Variants in NEK1 observed in about 807,000 individuals in gnomAD.
NEK1 encodes serine/threonine-protein kinase Nek1.
Under a neutral mutation model 182.1 loss-of-function variants are expected in NEK1, and 137 were observed. That is an observed-to-expected ratio of 0.75 (90% CI 0.65 to 0.87). NEK1 has a LOEUF of 0.87. Among genes scored for constraint, NEK1 ranks in the 40% least tolerant of loss-of-function variants. NEK1 has a pLI of 0.00. For missense variants in NEK1, 1,391 were observed against 1,494.4 expected (o/e 0.93, Z 1.14); for synonymous variants, 513 against 492.2 (o/e 1.04, Z -0.56).
intron 12 of NEK1, among the ~76,000 whole-genome samples, chr4:169,569,306 G>A (rs963391788): frequency 6.6e-6 from 1 of 152,046 alleles, no homozygotes; most frequent in African/African-American, 2.4e-5. Context: ...CATAATAATT[G>A]TACATATTTA....
intron 23 of NEK1, among the ~76,000 whole-genome samples, chr4:169,491,412 G>A (rs1302672176): frequency 6.6e-6 from 1 of 152,114 alleles, no homozygotes; most frequent in Non-Finnish European, 1.5e-5. Flanking sequence ...ACTATCAGCA[G>A]ATTTCTCAGC....
At chr4:169,396,054 G>T (rs753177017) in intron 35 of NEK1, among the ~76,000 whole-genome samples, 23 of 152,024 alleles carry the variant, frequency 1.5e-4, no homozygotes, top group Non-Finnish European at 2.5e-4. Flanking sequence ...TGAAGAGAAG[G>T]TATGTGTCTC....
intron 26 of NEK1, 147 bp downstream of exon 26, chr4:169,476,977 C>T: frequency 1.9e-6 from 1 of 537,440 alleles, no homozygotes; most frequent in South Asian, 3.7e-5. Context: ...GAGAGGGAGG[C>T]ACTTCTATTC....
At chr4:169,531,968 T>C (rs1473609005) in intron 19 of NEK1, among the ~76,000 whole-genome samples, 3 of 152,154 alleles carry the variant, frequency 2.0e-5, no homozygotes, top group African/African-American at 7.2e-5. Flanking sequence ...AACAACTAAC[T>C]AGTGATAACA....
rs1369688897 is a variant in NEK1 at position 169,401,872 on chromosome 4, A to G, written c.3375-12T>C. Reference sequence around the variant, plus strand: ...TTTCTTCAAACACACTGAAATTTAAAAAGTATAACTAAAAGTTTCAAACAT... The same window carrying G: ...TTTCTTCAAACACACTGAAATTTAAGAAGTATAACTAAAAGTTTCAAACAT... On this transcript the variant is annotated splice_polypyrimidine_tract_variant and intron_variant, in intron 32 of 35. Coordinates refer to ENST00000507142, the MANE Select transcript of NEK1 (RefSeq NM_001199397.3). 1.9e-6 allele frequency: 3 copies of G among 1,593,750 alleles called. No individual in the cohort carries two copies. Among genetic ancestry groups the G allele is most frequent in the Admixed American group, 1.7e-5 (1 of 57,990 alleles).
intron 16 of NEK1, among the ~76,000 whole-genome samples, chr4:169,560,411 TTCTC>T (rs1251690945): frequency 4.6e-5 from 7 of 152,272 alleles, no homozygotes; most frequent in African/African-American, 1.4e-4. Flanking sequence ...GTGAGCAGAA[TTCTC>T]TCTCTCTAAT....
intron 12 of NEK1, among the ~76,000 whole-genome samples, chr4:169,570,417 G>GC (rs1299471901): frequency 6.6e-6 from 1 of 151,030 alleles, no homozygotes; most frequent in Non-Finnish European, 1.5e-5. Context: ...TGGGGGGTCA[G>GC]CCCCCCACCA....
intron 32 of NEK1, among the ~76,000 whole-genome samples, chr4:169,402,086 G>A (rs1164631183): frequency 6.6e-6 from 1 of 152,094 alleles, no homozygotes; most frequent in Non-Finnish European, 1.5e-5. Context: ...CACATATTCT[G>A]GAATATATAA....
intron 5 of NEK1, among the ~76,000 whole-genome samples, chr4:169,591,538 C>G (rs1386725888): frequency 1.3e-5 from 2 of 152,004 alleles, no homozygotes; most frequent in Non-Finnish European, 2.9e-5. Context: ...ATTTGGAAGA[C>G]ATCTCTGACT....
At chr4:169,543,170 T>G (rs1357123699) in intron 18 of NEK1, among the ~76,000 whole-genome samples, 3 of 152,222 alleles carry the variant, frequency 2.0e-5, no homozygotes, top group Non-Finnish European at 4.4e-5. Context: ...TTGTATAAGA[T>G]GTAAGGAGGG....
chr4:169,438,310 T>A, intron 27 of NEK1, 51 bp from the exon 28 acceptor site: 2 of 1,401,124 alleles, frequency 1.4e-6, no homozygotes, highest in Non-Finnish European at 1.9e-6. Flanking sequence ...ATGATGCATT[T>A]TATCTGTAAT....
chr4:169,506,795 A>C (rs1753329914), intron 23 of NEK1: 1 of 205,576 alleles, frequency 4.9e-6, no homozygotes, highest in Non-Finnish European at 9.6e-6. Context: ...ATAAATAAAT[A>C]AGATAAATTA....
At chr4:169,585,306 C>T in intron 10 of NEK1, 43 bp downstream of exon 10, 1 of 1,472,672 alleles carries the variant, frequency 6.8e-7, no homozygotes, top group Non-Finnish European at 9.4e-7. Flanking sequence ...CTTAGCTAAG[C>T]AACATAACCC....
Position 169,424,802 on chromosome 4 carries a change from TGTG to T in NEK1, c.2975-5_2975-3del. The T allele has an allele frequency of 6.2e-7, 1 of 1,600,982 alleles. No homozygotes were observed. Among genetic ancestry groups the T allele is most frequent in the Non-Finnish European group, 8.6e-7 (1 of 1,169,466 alleles). The stretch of plus-strand genomic sequence containing the variant: ...GCTGAGAATCATTGGTTCCAGGCTC[TGTG>T]GTAGAAAGGAGAGATTATGTGGTAA... On this transcript the variant is annotated splice_region_variant and splice_polypyrimidine_tract_variant and intron_variant, in intron 30 of 35. Transcript: ENST00000507142.
chr4:169,609,657 T>C (rs956165888), intron 2 of NEK1, among the ~76,000 whole-genome samples: 2 of 152,114 alleles, frequency 1.3e-5, no homozygotes, highest in African/African-American at 2.4e-5. Context: ...TTAAATAATA[T>C]CTATGGAGAG....
At chr4:169,440,358 A>G (rs1175929197) in intron 27 of NEK1, among the ~76,000 whole-genome samples, 2 of 152,170 alleles carry the variant, frequency 1.3e-5, no homozygotes, top group Non-Finnish European at 2.9e-5. Flanking sequence ...TTAAAGGGAT[A>G]TTACCTTTCA....
chr4:169,443,646 T>C (rs1019667109), intron 27 of NEK1, among the ~76,000 whole-genome samples: 7 of 152,020 alleles, frequency 4.6e-5, no homozygotes, highest in Non-Finnish European at 8.8e-5. Flanking sequence ...TCCCAAGCCT[T>C]GTAAGAGATA....
At chr4:169,448,004 C>G (rs1332400320) in intron 27 of NEK1, among the ~76,000 whole-genome samples, 1 of 151,436 alleles carries the variant, frequency 6.6e-6, no homozygotes, top group Non-Finnish European at 1.5e-5. Flanking sequence ...GGGCAACATG[C>G]AACATGAAAC....
intron 4 of NEK1, among the ~76,000 whole-genome samples, chr4:169,600,871 C>T (rs1770374493): frequency 6.6e-6 from 1 of 152,118 alleles, no homozygotes; most frequent in African/African-American, 2.4e-5. Context: ...ATACGCTACC[C>T]CTTTTGAATC....
Sources: allele counts gnomAD v4.1 joint callset (sites outside exome capture counted in the v4.1 genomes callset), GRCh38; gene constraint gnomAD v4.1.1; transcripts MANE v1.5; gene names NCBI Gene and HGNC (gene_info 2026-07-23, HGNC 2026-07-21).